WWOX: variants seen among roughly 807,000 people sequenced by gnomAD.
The protein encoded by WWOX is WW domain containing oxidoreductase, also known as WW domain-containing oxidoreductase.
Under a neutral mutation model 46.2 loss-of-function variants are expected in WWOX, and 69 were observed. The ratio of observed to expected loss-of-function variants is 1.49; its 90% CI spans 1.23 to 1.82. The LOEUF is 1.82. WWOX is among the 40% of genes most tolerant of loss of function. WWOX has a pLI of 0.00. For missense variants in WWOX, 919 were observed against 542.6 expected (o/e 1.69, Z -6.89); for synonymous variants, 359 against 202.6 (o/e 1.77, Z -6.56).
intron 8 of WWOX, among the ~76,000 whole-genome samples, chr16:78,883,168 A>C (rs1015215012): frequency 6.6e-6 from 1 of 152,164 alleles, no homozygotes; most frequent in African/African-American, 2.4e-5. Flanking sequence ...ATAACTCAGA[A>C]AACAGTGATA....
At chr16:78,953,513 C>T (rs1324733598) in intron 8 of WWOX, among the ~76,000 whole-genome samples, 1 of 152,176 alleles carries the variant, frequency 6.6e-6, no homozygotes, top group Non-Finnish European at 1.5e-5. Flanking sequence ...ATAATGTCTT[C>T]CTAACCCCCA....
chr16:78,842,548 A>T (rs865945970), intron 8 of WWOX, among the ~76,000 whole-genome samples: 2 of 152,120 alleles, frequency 1.3e-5, no homozygotes, highest in Admixed American at 1.3e-4. Context: ...AGGATCTAAG[A>T]TGATTGGAAA....
chr16:78,958,117 G>A (rs900263400), intron 8 of WWOX, among the ~76,000 whole-genome samples: 2 of 152,090 alleles, frequency 1.3e-5, no homozygotes, highest in Non-Finnish European at 2.9e-5. Context: ...ATATTATTTG[G>A]TCCTATTGTT....
intron 8 of WWOX, among the ~76,000 whole-genome samples, chr16:79,133,576 A>G (rs901728540): frequency 3.3e-5 from 5 of 152,088 alleles, no homozygotes; most frequent in African/African-American, 1.2e-4. Context: ...TATTATTTTA[A>G]TGGAGTGCAA....
At chr16:78,463,713 T>A (rs2084007331) in intron 8 of WWOX, among the ~76,000 whole-genome samples, 1 of 152,250 alleles carries the variant, frequency 6.6e-6, no homozygotes, top group South Asian at 2.1e-4. Context: ...GCTCTCACTC[T>A]GCTCCATAAA....
At chr16:78,208,033 G>A (rs1167697142) in intron 5 of WWOX, among the ~76,000 whole-genome samples, 2 of 152,148 alleles carry the variant, frequency 1.3e-5, no homozygotes, top group African/African-American at 2.4e-5. Context: ...GGCTGGTCTC[G>A]GACTCCTGAC....
chr16:78,222,121 C>A (rs1204136675), intron 5 of WWOX, among the ~76,000 whole-genome samples: 3 of 152,086 alleles, frequency 2.0e-5, no homozygotes, highest in South Asian at 2.1e-4. Flanking sequence ...ACCACCAGAA[C>A]CTATTGTGTA....
intron 8 of WWOX, among the ~76,000 whole-genome samples, chr16:79,029,751 A>C (rs1597300348): frequency 6.6e-6 from 1 of 152,212 alleles, no homozygotes; most frequent in Non-Finnish European, 1.5e-5. Flanking sequence ...TAGAGCTTCC[A>C]GGAATCTCAA....
chr16:78,763,819 A>G (rs948262133), intron 8 of WWOX, among the ~76,000 whole-genome samples: 3 of 152,324 alleles, frequency 2.0e-5, no homozygotes, highest in African/African-American at 7.2e-5. Context: ...CATAATTGTC[A>G]GCATAGTAGA....
intron 8 of WWOX, among the ~76,000 whole-genome samples, chr16:79,131,578 G>A: frequency 6.6e-6 from 1 of 152,138 alleles, no homozygotes; most frequent in South Asian, 2.1e-4. Context: ...CTTGAATGAT[G>A]GTGTATTAAG....
rs529048906 is a variant in WWOX at position 78,253,303 on chromosome 16, A to G, written c.516+89014A>G. Reference sequence around the variant, plus strand: ...TAATTTATTAATAATAGTAATGATAATAATTATAACCATATCTAATACATA... The same window carrying G: ...TAATTTATTAATAATAGTAATGATAGTAATTATAACCATATCTAATACATA... On this transcript the variant is annotated intron_variant, in intron 5 of 8. Coordinates refer to ENST00000566780, the MANE Select transcript of WWOX (RefSeq NM_016373.4). 1.9e-3 allele frequency among the ~76,000 whole-genome samples: 290 copies of G among 152,300 alleles called. 1 individual carries two copies. The highest frequency in any genetic ancestry group is 6.6e-3 in the African/African-American group (273 of 41,556).
intron 5 of WWOX, among the ~76,000 whole-genome samples, chr16:78,219,420 C>T (rs370035253): frequency 2.6e-5 from 4 of 151,932 alleles, no homozygotes; most frequent in Non-Finnish European, 4.4e-5. Flanking sequence ...AAAATGAAGC[C>T]GACAAAATGC....
chr16:78,548,735 C>G (rs927551101), intron 8 of WWOX, among the ~76,000 whole-genome samples: 1 of 152,146 alleles, frequency 6.6e-6, no homozygotes, highest in African/African-American at 2.4e-5. Flanking sequence ...TGCCCAATAA[C>G]TAGAATGCTA....
chr16:78,519,072 A>G (rs1835332329), intron 8 of WWOX, among the ~76,000 whole-genome samples: 1 of 152,226 alleles, frequency 6.6e-6, no homozygotes, highest in Admixed American at 6.5e-5. Flanking sequence ...TGAGACAGCT[A>G]TAGATGGATG....
At chr16:78,229,588 G>C (rs1371160138) in intron 5 of WWOX, among the ~76,000 whole-genome samples, 5 of 151,214 alleles carry the variant, frequency 3.3e-5, no homozygotes, top group Non-Finnish European at 7.4e-5. Flanking sequence ...AGGACTTAGA[G>C]TGATTAGCTT....
At chr16:78,557,242 C>T (rs185785355) in intron 8 of WWOX, among the ~76,000 whole-genome samples, 2 of 152,164 alleles carry the variant, frequency 1.3e-5, no homozygotes, top group Non-Finnish European at 2.9e-5. Flanking sequence ...TATTATTTAC[C>T]TTAAGACCTG....
intron 8 of WWOX, among the ~76,000 whole-genome samples, chr16:79,140,439 C>G (rs915146906): frequency 2.0e-5 from 3 of 152,182 alleles, no homozygotes; most frequent in Non-Finnish European, 4.4e-5. Context: ...TAGCTGCTTT[C>G]TCTCCTACCA....
At chr16:78,308,276 C>G (rs529991109) in intron 5 of WWOX, among the ~76,000 whole-genome samples, 3 of 152,214 alleles carry the variant, frequency 2.0e-5, no homozygotes, top group Admixed American at 1.3e-4. Flanking sequence ...TCTAAGCTCC[C>G]CAAGCAACTG....
At chr16:78,782,885 C>G (rs993715285) in intron 8 of WWOX, among the ~76,000 whole-genome samples, 4 of 152,148 alleles carry the variant, frequency 2.6e-5, no homozygotes, top group African/African-American at 9.7e-5. Flanking sequence ...AATGTCTTCT[C>G]TCTCAGAATG....
Sources: allele counts gnomAD v4.1 joint callset (sites outside exome capture counted in the v4.1 genomes callset), GRCh38; gene constraint gnomAD v4.1.1; transcripts MANE v1.5; gene names NCBI Gene and HGNC (gene_info 2026-07-23, HGNC 2026-07-21).